CLVS1: variants seen among roughly 807,000 people sequenced by gnomAD.
CLVS1 encodes clavesin-1.
Under a neutral mutation model 33.1 loss-of-function variants are expected in CLVS1, and 10 were observed. That is an observed-to-expected ratio of 0.30 (90% CI 0.19 to 0.51). CLVS1 has a LOEUF of 0.51. CLVS1 is among the 20% of genes least tolerant of loss of function. The pLI, the probability that CLVS1 is intolerant of heterozygous loss-of-function variation, is 0.97. For synonymous variants in CLVS1, 163 were observed against 166.1 expected (o/e 0.98, Z 0.14); for missense variants, 343 against 433.4 (o/e 0.79, Z 1.85).
At chr8:61,190,184 C>T (rs892867818) in intron 2 of CLVS1, among the ~76,000 whole-genome samples, 2 of 152,222 alleles carry the variant, frequency 1.3e-5, no homozygotes, top group Non-Finnish European at 2.9e-5. Context: ...TCTCAGACCA[C>T]AGTGCGATCA....
At chr8:61,313,392 G>T (rs1442043863) in intron 2 of CLVS1, among the ~76,000 whole-genome samples, 2 of 152,164 alleles carry the variant, frequency 1.3e-5, no homozygotes, top group East Asian at 3.9e-4. Context: ...CTGAGGAGGT[G>T]GGCTGAGGCT....
chr8:61,470,840 G>T (rs1817711209), intron 5 of CLVS1, among the ~76,000 whole-genome samples: 1 of 152,182 alleles, frequency 6.6e-6, no homozygotes, highest in Non-Finnish European at 1.5e-5. Flanking sequence ...TTCAAATGGT[G>T]GTATTAGAGT....
At chr8:61,149,978 G>C (rs1037653602) in intron 2 of CLVS1, among the ~76,000 whole-genome samples, 2 of 152,160 alleles carry the variant, frequency 1.3e-5, no homozygotes, top group Non-Finnish European at 2.9e-5. Context: ...GCGGGTGAGG[G>C]GAAGAGGTGA....
intron 2 of CLVS1, among the ~76,000 whole-genome samples, chr8:61,228,077 T>C (rs1808365425): frequency 6.6e-6 from 1 of 152,208 alleles, no homozygotes; most frequent in South Asian, 2.1e-4. Flanking sequence ...AGTGACTTTT[T>C]CTGAGAAAGC....
At chr8:61,343,818 G>T (rs1330877341) in intron 2 of CLVS1, among the ~76,000 whole-genome samples, 2 of 152,052 alleles carry the variant, frequency 1.3e-5, no homozygotes, top group Non-Finnish European at 2.9e-5. Flanking sequence ...TCAATACCCC[G>T]ATAACATCCT....
chr8:61,429,419 TAAA>T lies in CLVS1; in HGVS notation c.631-24700_631-24698del, dbSNP rs57688988. On this transcript the variant is annotated intron_variant, in intron 3 of 5. Coordinates refer to ENST00000325897, the MANE Select transcript of CLVS1 (RefSeq NM_173519.3). ...TAGGTGACACAGTGAGACTCTGTCTTAAAAAAAAAAAAAAAAAAAAAAAAGCCT... is the reference window on the plus strand; with the variant it reads ...TAGGTGACACAGTGAGACTCTGTCTTAAAAAAAAAAAAAAAAAAAAAGCCT... Among the ~76,000 whole-genome samples the T allele has an allele frequency of 7.8e-3, 570 of 73,240 alleles. 7 individuals carry two copies. Among genetic ancestry groups the T allele is most frequent in the African/African-American group, 0.031 (519 of 16,504 alleles). 48.0% of individuals were successfully genotyped at this position (73,240 alleles called of 152,430 possible). A position where few individuals can be genotyped will look rare whatever the true frequency, so the allele number is the denominator to read the frequency against.
At chr8:61,325,592 T>C (rs1325259194) in intron 2 of CLVS1, among the ~76,000 whole-genome samples, 1 of 152,200 alleles carries the variant, frequency 6.6e-6, no homozygotes, top group Non-Finnish European at 1.5e-5. Context: ...GTATTTTAGG[T>C]GGATAGCTGC....
intron 2 of CLVS1, among the ~76,000 whole-genome samples, chr8:61,233,909 A>G (rs1175796233): frequency 1.3e-5 from 2 of 152,212 alleles, no homozygotes; most frequent in African/African-American, 2.4e-5. Flanking sequence ...TTGTCTCCGC[A>G]CATCCAGTGT....
chr8:61,157,766 C>T (rs1215861342), intron 2 of CLVS1, among the ~76,000 whole-genome samples: 1 of 151,666 alleles, frequency 6.6e-6, no homozygotes, highest in African/African-American at 2.4e-5. Context: ...AAATGATATA[C>T]AAATGGCAGT....
At chr8:60,983,801 G>A in the CLVS1 span, among the ~76,000 whole-genome samples, 1 of 152,224 alleles carries the variant, frequency 6.6e-6, no homozygotes, top group Non-Finnish European at 1.5e-5. Flanking sequence ...ATGAGCTGCA[G>A]CTGGCAGTTC....
chr8:61,045,550 G>A, the CLVS1 span, among the ~76,000 whole-genome samples: 1 of 152,230 alleles, frequency 6.6e-6, no homozygotes, highest in Non-Finnish European at 1.5e-5. Context: ...ACCTTCTTGA[G>A]TACGGCACCC....
chr8:61,042,648 C>A, the CLVS1 span, among the ~76,000 whole-genome samples: 1 of 152,168 alleles, frequency 6.6e-6, no homozygotes, highest in Non-Finnish European at 1.5e-5. Context: ...CAGATCATAA[C>A]AAGGTGGCAG....
chr8:61,345,977 AATT>A (rs1812207520), intron 2 of CLVS1, among the ~76,000 whole-genome samples: 1 of 152,004 alleles, frequency 6.6e-6, no homozygotes, highest in Admixed American at 6.6e-5. Flanking sequence ...TGTGATTTTT[AATT>A]ATTTTAATTG....
intron 5 of CLVS1, among the ~76,000 whole-genome samples, chr8:61,498,742 TCAA>T (rs536636321): frequency 6.6e-6 from 1 of 152,186 alleles, no homozygotes; most frequent in South Asian, 2.1e-4. Context: ...GTCGTCTTTA[TCAA>T]CAACTGTGGG....
At chr8:61,086,077 A>G (rs1350267850) in intron 1 of CLVS1, among the ~76,000 whole-genome samples, 6 of 109,078 alleles carry the variant, frequency 5.5e-5, no homozygotes, top group Non-Finnish European at 9.0e-5. Context: ...AAAAAAAAAA[A>G]TTAGCTTGTT....
At chr8:61,223,030 G>T (rs565087965) in intron 2 of CLVS1, among the ~76,000 whole-genome samples, 16 of 148,758 alleles carry the variant, frequency 1.1e-4, no homozygotes, top group Non-Finnish European at 2.2e-4. Flanking sequence ...CATTTCTTTG[G>T]TAAGTTTTCC....
chr8:61,367,289 A>G (rs745503211), intron 2 of CLVS1, among the ~76,000 whole-genome samples: 3 of 152,196 alleles, frequency 2.0e-5, no homozygotes, highest in Non-Finnish European at 4.4e-5. Flanking sequence ...ATGAATCACA[A>G]TCACATTTCT....
intron 2 of CLVS1, among the ~76,000 whole-genome samples, chr8:61,365,550 T>C (rs548564114): frequency 3.8e-4 from 58 of 151,896 alleles, no homozygotes; most frequent in African/African-American, 1.4e-3. Flanking sequence ...AATCTATAAA[T>C]GTCAATTGAG....
At chr8:61,077,822 G>T (rs1804950155) in intron 1 of CLVS1, among the ~76,000 whole-genome samples, 2 of 152,194 alleles carry the variant, frequency 1.3e-5, no homozygotes, top group Admixed American at 6.5e-5. Context: ...GTGGGCCCGA[G>T]GCCATGCCGG....
Sources: gnomAD v4.1 joint callset for allele counts (sites outside exome capture counted in the v4.1 genomes callset) on GRCh38, gnomAD v4.1.1 for gene constraint, MANE v1.5 for transcripts, NCBI Gene and HGNC (gene_info 2026-07-23, HGNC 2026-07-21) for gene names.